The following SEC11A variants were observed in gnomAD, a reference collection of about 807,000 sequenced individuals.
SEC11A encodes signal peptidase complex catalytic subunit SEC11A.
In SEC11A, 14 loss-of-function variants were observed where a neutral mutation model predicts 25.6. The observed-to-expected ratio is 0.55, with a 90% CI of 0.36 to 0.85. The LOEUF is 0.85. SEC11A is among the 40% of genes least tolerant of loss of function. The pLI is 0.01. For synonymous variants in SEC11A, 83 were observed against 76.4 expected (o/e 1.09, Z -0.45); for missense variants, 153 against 222.9 (o/e 0.69, Z 2.00).
At chr15:84,704,726 C>A (rs1898044427) in intron 1 of SEC11A, among the ~76,000 whole-genome samples, 1 of 152,120 alleles carries the variant, frequency 6.6e-6, no homozygotes, top group South Asian at 2.1e-4. Context: ...TAAACCAGCT[C>A]CAGGTCAGTA....
intron 1 of SEC11A, among the ~76,000 whole-genome samples, chr15:84,714,161 G>A (rs962445127): frequency 1.3e-5 from 2 of 151,862 alleles, no homozygotes; most frequent in Non-Finnish European, 2.9e-5. Context: ...AACTACAGGC[G>A]TGCGCCAACA....
intron 1 of SEC11A, among the ~76,000 whole-genome samples, chr15:84,708,743 G>A (rs1032530648): frequency 4.6e-5 from 7 of 151,542 alleles, no homozygotes; most frequent in African/African-American, 9.7e-5. Flanking sequence ...AGCTGTAATC[G>A]CATCACTGGA....
intron 4 of SEC11A, among the ~76,000 whole-genome samples, chr15:84,674,355 A>C (rs930389099): frequency 6.6e-6 from 1 of 152,130 alleles, no homozygotes; most frequent in Non-Finnish European, 1.5e-5. Flanking sequence ...CCTCACAGTA[A>C]AGTACAGATT....
At chr15:84,702,545 C>T (rs1596081678) in intron 1 of SEC11A, among the ~76,000 whole-genome samples, 1 of 152,032 alleles carries the variant, frequency 6.6e-6, no homozygotes, top group East Asian at 1.9e-4. Context: ...GCTCAACAAT[C>T]GTCCTGCCTC....
At chr15:84,704,651 A>C (rs1403984275) in intron 1 of SEC11A, among the ~76,000 whole-genome samples, 1 of 152,132 alleles carries the variant, frequency 6.6e-6, no homozygotes, top group Non-Finnish European at 1.5e-5. Context: ...AGGGACCATC[A>C]AGGTTGACTC....
chr15:84,702,216 T>A (rs1897967319), intron 1 of SEC11A, among the ~76,000 whole-genome samples: 2 of 150,970 alleles, frequency 1.3e-5, no homozygotes, highest in Non-Finnish European at 1.5e-5. Flanking sequence ...ATCCCAGCAC[T>A]TTGGGAGGCC....
chr15:84,705,908 T>TTTTA (rs1175683193), intron 1 of SEC11A, among the ~76,000 whole-genome samples: 1 of 151,360 alleles, frequency 6.6e-6, no homozygotes, highest in East Asian at 2.0e-4. Context: ...GATTTAAAGG[T>TTTTA]TTTATTTATT....
intron 2 of SEC11A, 105 bp downstream of exon 2, chr15:84,691,430 G>GA: frequency 1.5e-6 from 1 of 648,584 alleles, no homozygotes; most frequent in Non-Finnish European, 2.7e-6. Context: ...CCCTTTTCTG[G>GA]AAAAGAGTAG....
chr15:84,674,042 C>T (rs1897072065), intron 4 of SEC11A, among the ~76,000 whole-genome samples: 1 of 151,958 alleles, frequency 6.6e-6, no homozygotes, highest in Admixed American at 6.6e-5. Flanking sequence ...TCAAGAAGTA[C>T]AATTTTAGTG....
chr15:84,707,131 A>C (rs1898117768), intron 1 of SEC11A, among the ~76,000 whole-genome samples: 1 of 149,714 alleles, frequency 6.7e-6, no homozygotes, highest in Non-Finnish European at 1.5e-5. Flanking sequence ...TGGGTCTCTA[A>C]CCCACTTTTA....
chr15:84,701,237 C>G (rs914973379), intron 1 of SEC11A, among the ~76,000 whole-genome samples: 2 of 151,294 alleles, frequency 1.3e-5, no homozygotes, highest in Non-Finnish European at 2.9e-5. Flanking sequence ...CAGCAAGAGG[C>G]TGTAGTGGGA....
chr15:84,676,261 G>A (rs1293406056), intron 4 of SEC11A, among the ~76,000 whole-genome samples: 1 of 151,890 alleles, frequency 6.6e-6, no homozygotes, highest in Admixed American at 6.6e-5. Context: ...AAAAAAAAGA[G>A]AGAGACCAGC....
intron 1 of SEC11A, among the ~76,000 whole-genome samples, chr15:84,708,882 A>C (rs1175184106): frequency 6.6e-6 from 1 of 152,212 alleles, no homozygotes; most frequent in East Asian, 1.9e-4. Context: ...ACTAAGAGAT[A>C]GGAAGATATA....
intron 1 of SEC11A, among the ~76,000 whole-genome samples, chr15:84,713,870 G>A (rs1342311859): frequency 6.6e-6 from 1 of 152,148 alleles, no homozygotes; most frequent in Non-Finnish European, 1.5e-5. Flanking sequence ...TTAAATGCTA[G>A]TTTCTCCTTG....
intron 2 of SEC11A, among the ~76,000 whole-genome samples, chr15:84,688,533 G>T (rs887678151): frequency 6.6e-6 from 1 of 152,158 alleles, no homozygotes; most frequent in South Asian, 2.1e-4. Context: ...TAAAGAAGTA[G>T]CCCATCAGTC....
intron 3 of SEC11A, chr15:84,686,473 T>A (rs975297086): frequency 6.6e-6 from 1 of 152,222 alleles, no homozygotes; most frequent in African/African-American, 2.4e-5. Context: ...TAGCTGGGCA[T>A]GGTGGCACAT....
At chr15:84,711,307 G>C (rs1014644669) in intron 1 of SEC11A, among the ~76,000 whole-genome samples, 1 of 151,804 alleles carries the variant, frequency 6.6e-6, no homozygotes, top group Admixed American at 6.6e-5. Context: ...ACTTGATCCC[G>C]GAAGGAGGAG....
rs74024734 is a variant in SEC11A, at chr15:84,715,589, G to A, written c.51+436C>T. Among the ~76,000 whole-genome samples, 608 of 152,280 alleles carry A rather than the reference G, an allele frequency of 4.0e-3. 3 individuals carry two copies. Among genetic ancestry groups the A allele is most frequent in the African/African-American group, 0.014 (575 of 41,570 alleles). On this transcript the variant is annotated intron_variant, in intron 1 of 5. Transcript: ENST00000268220. ...GCAAGGAGCTGAAAGCAGCAAAACG[G>A]TTTTTGTGGGGCCTCCAATCGCCTT...
At chr15:84,702,016 G>A (rs1007658380) in intron 1 of SEC11A, among the ~76,000 whole-genome samples, 5 of 150,928 alleles carry the variant, frequency 3.3e-5, no homozygotes, top group Non-Finnish European at 5.9e-5. Context: ...GCAGTGAACC[G>A]AGATCGTGCC....
Sources: gnomAD v4.1 joint callset for allele counts (sites outside exome capture counted in the v4.1 genomes callset) on GRCh38, gnomAD v4.1.1 for gene constraint, MANE v1.5 for transcripts, NCBI Gene and HGNC (gene_info 2026-07-23, HGNC 2026-07-21) for gene names.